NPM1: variants seen among roughly 807,000 people sequenced by gnomAD.
NPM1 encodes nucleophosmin.
NPM1 carries 1 observed loss-of-function variant against 44.1 expected under a neutral mutation model. The observed-to-expected ratio is 0.02, with a 90% CI of 0.01 to 0.11. The LOEUF (loss-of-function observed/expected upper bound fraction) is 0.11, where lower values mean the gene tolerates loss of function less well. Ranked by LOEUF, NPM1 falls within the 10% of genes least tolerant of loss-of-function variation. The pLI is 1.00. For missense variants in NPM1, 197 were observed against 347.8 expected (o/e 0.57, Z 3.45); for synonymous variants, 126 against 111.8 (o/e 1.13, Z -0.80).
Position 171,407,782 on chromosome 5 carries a change from G to T in NPM1, c.846+8G>T, listed in dbSNP as rs774151283. ...CGGATGACTGACCAAGAGGTAACTGGATTTTCTGGGGACATGATTAAATCC... is the reference window on the plus strand; with the variant it reads ...CGGATGACTGACCAAGAGGTAACTGTATTTTCTGGGGACATGATTAAATCC... On this transcript the variant is annotated splice_region_variant and intron_variant, in intron 10 of 10. Transcript: ENST00000296930. 6.4e-7 allele frequency: 1 copy of T among 1,568,102 alleles called. No homozygotes were observed. The highest frequency in any genetic ancestry group is 8.8e-7 in the Non-Finnish European group (1 of 1,139,770).
rs760834615 is a variant in NPM1, at chr5:171,410,509, C to CA, written c.847-18_847-17insA. 4.1e-6 allele frequency: 5 copies of CA among 1,230,432 alleles called. No homozygotes were observed. Among genetic ancestry groups the CA allele is most frequent in the Non-Finnish European group, 5.6e-6 (5 of 896,574 alleles). 76.2% of individuals were successfully genotyped at this position (1,230,432 alleles called of 1,614,324 possible). ...GTGTTGTGGTTCCTTAACCACATTT[C>CA]TTTTTTTTTTTTTCCAGGCTATTCA... is the stretch of plus-strand genomic sequence containing the variant. On this transcript the variant is annotated splice_polypyrimidine_tract_variant and intron_variant, in intron 10 of 10. Transcript: ENST00000296930.
chr5:171,406,621 G>C, intron 9 of NPM1: 2 of 1,358,092 alleles, frequency 1.5e-6, no homozygotes, highest in Non-Finnish European at 9.5e-7. Flanking sequence ...GTGATTCAGT[G>C]AACCTTGCCC....
At chr5:171,407,513 G>T in intron 9 of NPM1, 187 bp from the exon 10 acceptor site, 2 of 589,714 alleles carry the variant, frequency 3.4e-6, no homozygotes, top group South Asian at 4.4e-5. Flanking sequence ...TTTGAATAGA[G>T]ATACTAGCCA....
intron 10 of NPM1, among the ~76,000 whole-genome samples, chr5:171,409,800 C>A (rs895673407): frequency 2.2e-5 from 3 of 136,884 alleles, no homozygotes; most frequent in Non-Finnish European, 4.7e-5. Context: ...AGCCACCATG[C>A]CTGGCCAGCT....
chr5:171,398,685 T>TC (rs1771035382), intron 6 of NPM1, among the ~76,000 whole-genome samples: 1 of 152,022 alleles, frequency 6.6e-6, no homozygotes, highest in African/African-American at 2.4e-5. Flanking sequence ...GCTGGAGAAT[T>TC]CGCTTGAACC....
intron 9 of NPM1, chr5:171,407,414 C>T (rs1221315997): frequency 5.2e-6 from 2 of 381,230 alleles, no homozygotes; most frequent in Non-Finnish European, 9.3e-6. Context: ...AACCGAGTTG[C>T]CATGTTTGTT....
chr5:171,400,318 C>CTCATACTGAGGGAGATCATG, intron 7 of NPM1, 108 bp downstream of exon 7: 1 of 1,259,740 alleles, frequency 7.9e-7, no homozygotes. Flanking sequence ...GGGAGATCAT[C>CTCATACTGAGGGAGATCATG]TCATACTGAA....
rs368677295 is a variant in NPM1 at position 171,403,357 on chromosome 5, G to A, written c.670-1945G>A. Among the ~76,000 whole-genome samples, 3 of 92,806 alleles carry A rather than the reference G, an allele frequency of 3.2e-5. 1 individual carries two copies. Among genetic ancestry groups the A allele is most frequent in the Non-Finnish European group, 6.9e-5 (3 of 43,598 alleles). The allele number at this position is 92,806 out of a possible 152,430, so 60.9% of individuals were successfully genotyped here. On this transcript the variant is annotated intron_variant, in intron 8 of 10. Coordinates refer to ENST00000296930, the MANE Select transcript of NPM1 (RefSeq NM_002520.7). ...CAGATCAACAGGATCCCAAGGCAGA[G>A]GAATTTTTCTTAGTGCAGAACAAAA...
At chr5:171,394,549 C>T (rs779413998) in intron 6 of NPM1, among the ~76,000 whole-genome samples, 45 of 152,144 alleles carry the variant, frequency 3.0e-4, no homozygotes, top group Non-Finnish European at 5.9e-4. Flanking sequence ...CTATCCTCCC[C>T]TCTCAGACTA....
chr5:171,396,626 C>T (rs1011694543), intron 6 of NPM1, among the ~76,000 whole-genome samples: 1 of 152,192 alleles, frequency 6.6e-6, no homozygotes. Flanking sequence ...ACGTGAACCC[C>T]TTGGTATTTG....
intron 6 of NPM1, among the ~76,000 whole-genome samples, chr5:171,397,539 A>C (rs1770970842): frequency 1.3e-5 from 2 of 152,172 alleles, no homozygotes; most frequent in Non-Finnish European, 2.9e-5. Flanking sequence ...AATAATGAGC[A>C]TCTTTTCATG....
intron 3 of NPM1, 38 bp from the exon 4 acceptor site, chr5:171,391,668 C>T (rs370955818): frequency 1.5e-6 from 2 of 1,371,770 alleles, no homozygotes; most frequent in African/African-American, 2.9e-5. Flanking sequence ...TGTTCATTTT[C>T]TTCACATGTT....
chr5:171,402,049 T>C (rs1056782010), intron 8 of NPM1, among the ~76,000 whole-genome samples: 1 of 132,450 alleles, frequency 7.6e-6, no homozygotes, highest in Admixed American at 7.7e-5. Flanking sequence ...GATTTTCTGA[T>C]TTCCTTTTTT....
chr5:171,404,501 C>T (rs1771456358), intron 8 of NPM1, among the ~76,000 whole-genome samples: 1 of 67,574 alleles, frequency 1.5e-5, no homozygotes, highest in Admixed American at 1.5e-4. Flanking sequence ...CCAGATGGGG[C>T]GGCGGGGCAG....
intron 6 of NPM1, among the ~76,000 whole-genome samples, chr5:171,395,920 A>G (rs1770856490): frequency 6.6e-6 from 1 of 151,934 alleles, no homozygotes; most frequent in Non-Finnish European, 1.5e-5. Context: ...GTGGCCCTTA[A>G]ATGTCTTTTT....
chr5:171,387,656 T>C (rs1242821450), upstream of NPM1: 1 of 455,920 alleles, frequency 2.2e-6, no homozygotes, highest in Non-Finnish European at 3.9e-6. Context: ...CGAGTGCGCG[T>C]GCTCGGTGGG....
At chr5:171,387,644 T>G (rs552961179), upstream of NPM1, 1 of 434,452 alleles carries the variant, frequency 2.3e-6, no homozygotes, top group African/African-American at 2.2e-5. Context: ...GGGGCCAGTG[T>G]ACGAGTGCGC....
At chr5:171,399,124 T>C (rs1025303875) in intron 6 of NPM1, among the ~76,000 whole-genome samples, 8 of 152,268 alleles carry the variant, frequency 5.3e-5, no homozygotes, top group Admixed American at 2.6e-4. Context: ...GTGCCGGGAT[T>C]ACAAGCGTGA....
rs774697729 is a variant in NPM1, at chr5:171,392,950, G to A, written c.496G>A (p.Asp166Asn). 10 of 1,608,010 alleles carry A rather than the reference G, an allele frequency of 6.2e-6. No homozygotes were observed. Among genetic ancestry groups the A allele is most frequent in the East Asian group, 4.5e-5 (2 of 44,762 alleles). Residue 166 changes from aspartate to asparagine, a missense_variant, in exon 6 of 11, where the codon GAT becomes AAT. By Grantham distance (23) the Asp-to-Asn change is conservative. This residue lies in a region of NPM1 where 91 missense variants were observed against 94.0 expected (regional missense o/e 0.97). Transcript: ENST00000296930. ...VKLAADEDDD[D>N]DDEEDDDEDD... ...ACTTGCTGCTGATGAAGATGATGAC[G>A]ATGATGATGAAGAGGATGATGATGA...
Sources: gnomAD v4.1 joint callset for allele counts (sites outside exome capture counted in the v4.1 genomes callset) on GRCh38, gnomAD v4.1.1 for gene constraint, gnomAD v4.1.1 regional missense constraint, MANE v1.5 for transcripts, NCBI Gene and HGNC (gene_info 2026-07-23, HGNC 2026-07-21) for gene names.